LHX9: variants seen among roughly 807,000 people sequenced by gnomAD.
The protein encoded by LHX9 is LIM/homeobox protein Lhx9.
LHX9 carries 9 observed loss-of-function variants against 36.5 expected under a neutral mutation model. That is an observed-to-expected ratio of 0.25 (90% CI 0.15 to 0.43). LHX9 has a LOEUF of 0.43. Ranked by LOEUF, LHX9 falls within the 20% of genes least tolerant of loss-of-function variation. The pLI, the probability that LHX9 is intolerant of heterozygous loss-of-function variation, is 1.00. For synonymous variants in LHX9, 211 were observed against 212.1 expected (o/e 0.99, Z 0.04); for missense variants, 464 against 526.4 (o/e 0.88, Z 1.16).
At position 197,929,137 on chromosome 1, in the gene LHX9, A is replaced by C; in HGVS notation, c.1072A>C (p.Thr358Pro). Reference sequence around the variant, plus strand: ...CAGCGGAGCTCTCACTCCACCCGGCACTGCGACCACTTTAACAGACCTGAC... The same window carrying C: ...CAGCGGAGCTCTCACTCCACCCGGCCCTGCGACCACTTTAACAGACCTGAC... ...ADSGALTPPG[T>P]ATTLTDLTNP... is the part of the protein sequence containing the mutation. The change falls in exon 5 of 5, where the codon ACT becomes CCT. Residue 358 changes from threonine (T) to proline (P), a missense_variant. By Grantham distance (38) the Thr-to-Pro change is conservative (BLOSUM62 -1). Around this residue, in one of 5 missense-constraint regions of LHX9, gnomAD observed 102 missense variants for 97.0 expected, o/e 1.05. Coordinates refer to ENST00000367387, the MANE Select transcript of LHX9 (RefSeq NM_020204.3). 1 of 1,613,622 alleles carries C rather than the reference A, an allele frequency of 6.2e-7. No homozygotes were observed. The highest frequency in any genetic ancestry group is 8.5e-7 in the Non-Finnish European group (1 of 1,179,870).
chr1:197,920,525 T>C lies in LHX9; in HGVS notation c.377+351T>C, dbSNP rs182071013. On this transcript the variant is annotated intron_variant, in intron 2 of 4. Coordinates refer to ENST00000367387, the MANE Select transcript of LHX9 (RefSeq NM_020204.3). ...GTGTTTGTTTTCCGCTTGCTACGAA[T>C]TGGGCAAGTTCTGCGCCTTGAAACT... Among the ~76,000 whole-genome samples the C allele has an allele frequency of 1.8e-4, 28 of 152,222 alleles. No homozygotes were observed. The East Asian group carries it at 4.6e-3, about 25-fold the overall frequency.
Position 197,931,885 on chromosome 1 carries a change from G to A in LHX9, c.*2626G>A. 2 of 1,514,512 alleles carry A rather than the reference G, an allele frequency of 1.3e-6. No individual in the cohort carries two copies. The highest frequency in any genetic ancestry group is 1.7e-4 in the Middle Eastern group (1 of 5,916). 93.8% of individuals were successfully genotyped at this position (1,514,512 alleles called of 1,614,324 possible). A position where few individuals can be genotyped will look rare whatever the true frequency, so the allele number is the denominator to read the frequency against. ...AGACCCCTAAAAGCCAAGTTGCTCT[G>A]TAGTTAATAAATTGTCACTATGATT... is the stretch of plus-strand genomic sequence containing the variant. On this transcript the variant is annotated 3_prime_UTR_variant, in exon 5 of 5. Coordinates refer to ENST00000367387, the MANE Select transcript of LHX9 (RefSeq NM_020204.3).
At position 197,934,949 on chromosome 1, in the gene LHX9, T is replaced by A. The variant is rs1025765513; in HGVS notation, c.*5690T>A. On this transcript the variant is annotated 3_prime_UTR_variant, in exon 5 of 5. Coordinates refer to ENST00000367387, the MANE Select transcript of LHX9 (RefSeq NM_020204.3). Reference sequence around the variant, plus strand: ...TGCCCCTCTGGGAAGATTTCCGTTTTATTTTATGAGGTTCCCTGGCAGTTG... The same window carrying A: ...TGCCCCTCTGGGAAGATTTCCGTTTAATTTTATGAGGTTCCCTGGCAGTTG... 2 of 152,148 alleles carry A rather than the reference T, an allele frequency of 1.3e-5. No individual in the cohort carries two copies. The highest frequency in any genetic ancestry group is 4.8e-5 in the African/African-American group (2 of 41,454). The allele number at this position is 152,148 out of a possible 1,614,324, so 9.4% of individuals were successfully genotyped here. A position where few individuals can be genotyped will look rare whatever the true frequency, so the allele number is the denominator to read the frequency against.
chr1:197,912,509 G>A (rs1380696013), upstream of LHX9: 17 of 1,613,982 alleles, frequency 1.1e-5, no homozygotes, highest in Non-Finnish European at 1.3e-5. Flanking sequence ...ATTACGGCGT[G>A]ATCCACTCCT....
At chr1:197,928,885 A>T in intron 4 of LHX9, 117 bp from the exon 5 acceptor site, 1 of 1,141,518 alleles carries the variant, frequency 8.8e-7, no homozygotes, top group Non-Finnish European at 1.2e-6. Flanking sequence ...AAAAGGAGAA[A>T]CCTATATCAA....
chr1:197,933,936 C>T lies in LHX9; in HGVS notation c.*4677C>T, dbSNP rs1278144770. 6.6e-6 allele frequency: 1 copy of T among 152,132 alleles called. No individual in the cohort carries two copies. Among genetic ancestry groups the T allele is most frequent in the Non-Finnish European group, 1.5e-5 (1 of 68,028 alleles). 9.4% of individuals were successfully genotyped at this position (152,132 alleles called of 1,614,324 possible). On this transcript the variant is annotated 3_prime_UTR_variant, in exon 5 of 5. Coordinates refer to ENST00000367387, the MANE Select transcript of LHX9 (RefSeq NM_020204.3). ...GTGGACCTCTTAGTTGAGAGCAGGACACTAAATTTTCATAGCTTCTACCTC... is the reference window on the plus strand; with the variant it reads ...GTGGACCTCTTAGTTGAGAGCAGGATACTAAATTTTCATAGCTTCTACCTC...
chr1:197,921,682 C>T lies in LHX9; in HGVS notation c.733+23C>T. On this transcript the variant is annotated intron_variant, in intron 3 of 4. Transcript: ENST00000367387. The surrounding 1 kb of genome is among the most constrained non-coding windows in gnomAD (Gnocchi z 4.6). ...CAGGTGTGCCTCCTATCCTCACCCC[C>T]GGCGCAGCCCCGGCCTCCCTGAGGA... 1.3e-6 allele frequency: 2 copies of T among 1,525,384 alleles called. No homozygotes were observed. The highest frequency in any genetic ancestry group is 1.8e-6 in the Non-Finnish European group (2 of 1,137,472). 94.5% of individuals were successfully genotyped at this position (1,525,384 alleles called of 1,614,324 possible). A position where few individuals can be genotyped will look rare whatever the true frequency, so the allele number is the denominator to read the frequency against.
At position 197,929,049 on chromosome 1, in the gene LHX9, G is replaced by T. The variant is rs1660238953; in HGVS notation, c.984G>T (p.Arg328=). 1 of 1,613,088 alleles carries T rather than the reference G, an allele frequency of 6.2e-7. No homozygotes were observed. The highest frequency in any genetic ancestry group is 1.1e-5 in the South Asian group (1 of 90,932). ...CCAAATTCAGAAGGAACCTTTTGCG[G>T]CAGGAGAATGGGGGTGTTGATAAAG... ...ARAKFRRNLL[R]QENGGVDKAD... Residue 328 remains arginine, a synonymous_variant, in exon 5 of 5, where the codon CGG becomes CGT. Coordinates refer to ENST00000367387, the MANE Select transcript of LHX9 (RefSeq NM_020204.3).
chr1:197,931,664 A>G lies in LHX9; in HGVS notation c.*2405A>G, dbSNP rs114838657. The G allele has an allele frequency of 3.0e-3, 1,092 of 369,450 alleles. 14 individuals are homozygous for G. Among genetic ancestry groups the G allele is most frequent in the African/African-American group, 0.02 (975 of 49,028 alleles). The allele number at this position is 369,450 out of a possible 1,614,324, so 22.9% of individuals were successfully genotyped here. ...ATTGTTGCACAGGCAGTGTAATTCA[A>G]CCTAGAAATACCTTTGAATATATTT... On this transcript the variant is annotated 3_prime_UTR_variant, in exon 5 of 5. Coordinates refer to ENST00000367387, the MANE Select transcript of LHX9 (RefSeq NM_020204.3).
upstream of LHX9, chr1:197,912,817 G>T (rs560440353): frequency 1.9e-5 from 10 of 538,514 alleles, no homozygotes; most frequent in Admixed American, 2.9e-4. Flanking sequence ...AGTGTCCGGG[G>T]CGCCAGGCAG....
At chr1:197,926,876 T>G (rs541181984) in intron 3 of LHX9, among the ~76,000 whole-genome samples, 3 of 152,382 alleles carry the variant, frequency 2.0e-5, no homozygotes, top group African/African-American at 7.2e-5. Context: ...CTTTCTGGTA[T>G]AGCCCTGTGT....
chr1:197,917,124 G>C (rs1571397199), upstream of LHX9: 1 of 324,054 alleles, frequency 3.1e-6, no homozygotes, highest in Non-Finnish European at 4.4e-6. Context: ...GTGCGCGCGC[G>C]CGCGCGTGTG....
upstream of LHX9, among the ~76,000 whole-genome samples, chr1:197,914,831 C>T (rs1659704205): frequency 6.6e-6 from 1 of 152,186 alleles, no homozygotes; most frequent in Non-Finnish European, 1.5e-5. Context: ...GATGCAGGAA[C>T]TTATAACCTG....
Position 197,929,140 on chromosome 1 carries a change from G to T in LHX9, c.1075G>T (p.Ala359Ser), listed in dbSNP as rs1557977705. ...DSGALTPPGT[A>S]TTLTDLTNPT... ...CGGAGCTCTCACTCCACCCGGCACT[G>T]CGACCACTTTAACAGACCTGACCAA... Residue 359 changes from alanine (A) to serine (S), a missense_variant, in exon 5 of 5, where the codon GCG becomes TCG. Ala to Ser is a moderately conservative substitution (Grantham distance 99, BLOSUM62 1). Around this residue, in one of 5 missense-constraint regions of LHX9, gnomAD observed 102 missense variants for 97.0 expected, o/e 1.05. Transcript: ENST00000367387. The T allele has an allele frequency of 1.2e-6, 2 of 1,613,552 alleles. No homozygotes were observed. The highest frequency in any genetic ancestry group is 3.3e-5 in the Admixed American group (2 of 59,878).
chr1:197,918,360 A>C (rs1252694647), intron 1 of LHX9: 1 of 717,324 alleles, frequency 1.4e-6, no homozygotes, highest in Non-Finnish European at 2.6e-6. Flanking sequence ...CAAGCTGGGC[A>C]TAAGCAATAG....
rs1659810409 is a variant in LHX9 at position 197,917,633 on chromosome 1, C to T, written c.-191C>T. The T allele has an allele frequency of 2.0e-6, 3 of 1,509,862 alleles. No homozygotes were observed. Among genetic ancestry groups the T allele is most frequent in the Admixed American group, 5.0e-5 (2 of 40,222 alleles). 93.5% of individuals were successfully genotyped at this position (1,509,862 alleles called of 1,614,324 possible). On this transcript the variant is annotated 5_prime_UTR_variant, in exon 1 of 5. Transcript: ENST00000367387. ...TCAGGGAGCCGCTGAGGCTTCCCCC[C>T]AACTCTTCCCAGTTCTTTTTGCTTC...
chr1:197,930,474 GC>G lies in LHX9; in HGVS notation c.*1216del, dbSNP rs1377068552. ...GCAGTGGTGAATGTTCATCTATTAC[GC>G]TTCTGTTGTAGTTAAATACCAATTA... On this transcript the variant is annotated 3_prime_UTR_variant, in exon 5 of 5. Coordinates refer to ENST00000367387, the MANE Select transcript of LHX9 (RefSeq NM_020204.3). The G allele has an allele frequency of 1.3e-5, 2 of 151,724 alleles. No homozygotes were observed. The highest frequency in any genetic ancestry group is 4.8e-5 in the African/African-American group (2 of 41,336). 9.4% of individuals were successfully genotyped at this position (151,724 alleles called of 1,614,324 possible).
chr1:197,929,929 T>C lies in LHX9; in HGVS notation c.*670T>C. 15 of 981,120 alleles carry C rather than the reference T, an allele frequency of 1.5e-5. No individual in the cohort carries two copies. The highest frequency in any genetic ancestry group is 1.8e-5 in the Non-Finnish European group (15 of 826,056). 60.8% of individuals were successfully genotyped at this position (981,120 alleles called of 1,614,324 possible). On this transcript the variant is annotated 3_prime_UTR_variant, in exon 5 of 5. Coordinates refer to ENST00000367387, the MANE Select transcript of LHX9 (RefSeq NM_020204.3). ...TTAGGGGTGTACAACTCTAAAAACT[T>C]TTTACTTGGTTATTTGTTTTTCAAC... is the stretch of plus-strand genomic sequence containing the variant.
intron 4 of LHX9, 59 bp downstream of exon 4, chr1:197,927,852 A>T: frequency 6.9e-7 from 1 of 1,441,796 alleles, no homozygotes; most frequent in African/African-American, 1.4e-5. Flanking sequence ...CAGTAAAAAT[A>T]GTGCTCTTCC....
Sources: gnomAD v4.1 joint callset for allele counts (sites outside exome capture counted in the v4.1 genomes callset) on GRCh38, gnomAD v4.1.1 for gene constraint, gnomAD v4.1.1 regional missense constraint, Gnocchi (gnomAD v3.1) non-coding constraint, MANE v1.5 for transcripts, NCBI Gene and HGNC (gene_info 2026-07-23, HGNC 2026-07-21) for gene names.